Variants in FBXL2 observed in about 807,000 individuals in gnomAD.
FBXL2 encodes the protein F-box/LRR-repeat protein 2.
Under a neutral mutation model 69.2 loss-of-function variants are expected in FBXL2, and 38 were observed. The observed-to-expected ratio is 0.55, with a 90% CI of 0.42 to 0.72. The LOEUF is 0.72. FBXL2 is among the 30% of genes least tolerant of loss of function. FBXL2 has a pLI of 0.00. For synonymous variants in FBXL2, 192 were observed against 201.3 expected (o/e 0.95, Z 0.39); for missense variants, 354 against 520.3 (o/e 0.68, Z 3.11).
chr3:33,410,022 C>T, the FBXL2 span, among the ~76,000 whole-genome samples: 1 of 152,210 alleles, frequency 6.6e-6, no homozygotes, highest in Non-Finnish European at 1.5e-5. Context: ...ACTGCCATTA[C>T]CCCTATTCTA....
chr3:33,373,554 A>C, intron 7 of FBXL2, 24 bp from the exon 8 acceptor site: 1 of 1,614,032 alleles, frequency 6.2e-7, no homozygotes, highest in Non-Finnish European at 8.5e-7. Flanking sequence ...ACTGCACATA[A>C]GTTTTTGTTT....
chr3:33,421,968 T>A, the FBXL2 span, among the ~76,000 whole-genome samples: 3 of 151,890 alleles, frequency 2.0e-5, no homozygotes. Flanking sequence ...CCCTTGAGCC[T>A]GGGTGGCAGA....
chr3:33,307,165 A>G (rs2036794717), intron 2 of FBXL2, among the ~76,000 whole-genome samples: 1 of 152,160 alleles, frequency 6.6e-6, no homozygotes, highest in Non-Finnish European at 1.5e-5. Flanking sequence ...CACTTAAGCA[A>G]ATGATCAAAG....
At chr3:33,396,896 A>C (rs1192331638) in intron 12 of FBXL2, 1 of 759,476 alleles carries the variant, frequency 1.3e-6, no homozygotes, top group Non-Finnish European at 2.3e-6. Flanking sequence ...TGTACACAAA[A>C]CAGTCTTCTT....
intron 4 of FBXL2, 88 bp downstream of exon 4, chr3:33,359,445 G>C: frequency 1.2e-6 from 1 of 837,302 alleles, no homozygotes; most frequent in Non-Finnish European, 1.9e-6. Flanking sequence ...ACTGCATTTA[G>C]ATCTAATATT....
chr3:33,393,338 C>T (rs779486959), intron 12 of FBXL2: 1 of 1,607,108 alleles, frequency 6.2e-7, no homozygotes, highest in Non-Finnish European at 8.5e-7. Context: ...ATGTGAATAC[C>T]GGTGGGACCC....
chr3:33,326,161 T>C (rs116617994), intron 2 of FBXL2, among the ~76,000 whole-genome samples: 1 of 152,110 alleles, frequency 6.6e-6, no homozygotes, highest in Admixed American at 6.5e-5. Flanking sequence ...ATGTAAATAG[T>C]GTCTATACTT....
At chr3:33,342,342 G>A (rs1413760709) in intron 2 of FBXL2, among the ~76,000 whole-genome samples, 1 of 150,980 alleles carries the variant, frequency 6.6e-6, no homozygotes, top group East Asian at 1.9e-4. Context: ...TTGCTAATAG[G>A]AAGATTTAAA....
At chr3:33,390,617 C>G (rs2043722595), downstream of FBXL2, 2 of 546,664 alleles carry the variant, frequency 3.7e-6, no homozygotes, top group African/African-American at 1.9e-5. Context: ...ACACTGTCTG[C>G]CAGTTCTGGG....
chr3:33,354,312 G>A (rs1342337585), intron 2 of FBXL2, among the ~76,000 whole-genome samples: 2 of 151,970 alleles, frequency 1.3e-5, no homozygotes, highest in Non-Finnish European at 2.9e-5. Flanking sequence ...TCAGGAGTTC[G>A]AGACCAGCCT....
intron 2 of FBXL2, among the ~76,000 whole-genome samples, chr3:33,336,536 C>T (rs1008250503): frequency 6.6e-6 from 1 of 152,136 alleles, no homozygotes; most frequent in Non-Finnish European, 1.5e-5. Context: ...GCAAATATTT[C>T]GTCAACATGA....
rs146815149 is a variant in FBXL2, at chr3:33,297,278, G to A, written c.4-386G>A. ...ATGTGTTGTATCCTGCAGCCTTGCC[G>A]AACTCCTTGATTAGTTCTAATTGAT... On this transcript the variant is annotated intron_variant, in intron 1 of 14. Coordinates refer to ENST00000484457, the MANE Select transcript of FBXL2 (RefSeq NM_012157.5). 1.8e-3 allele frequency among the ~76,000 whole-genome samples: 269 copies of A among 152,170 alleles called. 8 individuals carry two copies. In the East Asian group the frequency reaches 0.047, roughly 27 times the overall value.
In FBXL2 at chr3:33,337,613, A is replaced by T. The variant is rs1004761379; in HGVS notation, c.66-21354A>T. On this transcript the variant is annotated intron_variant, in intron 2 of 14. Coordinates refer to ENST00000484457, the MANE Select transcript of FBXL2 (RefSeq NM_012157.5). ...AACTACTAAATGGGAAGTTCTAGCC[A>T]TAGCAATCAGGCAAAAGAAAGAAAG... Among the ~76,000 whole-genome samples, 7 of 152,358 alleles carry T rather than the reference A, an allele frequency of 4.6e-5. No individual in the cohort carries two copies. The East Asian group carries it at 1.2e-3, about 25-fold the overall frequency.
At chr3:33,287,124 G>A (rs1334249862) in intron 1 of FBXL2, among the ~76,000 whole-genome samples, 1 of 152,166 alleles carries the variant, frequency 6.6e-6, no homozygotes, top group Non-Finnish European at 1.5e-5. Flanking sequence ...GCTATAGACT[G>A]GAGCTGTTCC....
the FBXL2 span, among the ~76,000 whole-genome samples, chr3:33,419,106 G>A: frequency 1.3e-5 from 2 of 152,164 alleles, no homozygotes; most frequent in Admixed American, 6.5e-5. Flanking sequence ...ACAGAAAGAA[G>A]AGTTGAGGAT....
At chr3:33,419,283 T>TC in the FBXL2 span, among the ~76,000 whole-genome samples, 1 of 151,888 alleles carries the variant, frequency 6.6e-6, no homozygotes, top group Non-Finnish European at 1.5e-5. Context: ...TTACTTGAGG[T>TC]CAGGAGTTCA....
At chr3:33,394,257 A>G (rs981336496) in intron 12 of FBXL2, among the ~76,000 whole-genome samples, 13 of 150,982 alleles carry the variant, frequency 8.6e-5, no homozygotes, top group Admixed American at 8.6e-4. Context: ...ATGTTGCCCA[A>G]GCTGTCTCAA....
At chr3:33,413,534 G>A in the FBXL2 span, among the ~76,000 whole-genome samples, 55 of 130,166 alleles carry the variant, frequency 4.2e-4, no homozygotes, top group African/African-American at 1.2e-3. Flanking sequence ...GTGACAGAGC[G>A]AGACTCCATC....
intron 1 of FBXL2, among the ~76,000 whole-genome samples, chr3:33,278,703 C>T (rs908345035): frequency 1.3e-5 from 2 of 152,132 alleles, no homozygotes; most frequent in African/African-American, 2.4e-5. Flanking sequence ...AAAACATCAC[C>T]CATAAATCAC....
Sources: gnomAD v4.1 joint callset for allele counts (sites outside exome capture counted in the v4.1 genomes callset) on GRCh38, gnomAD v4.1.1 for gene constraint, MANE v1.5 for transcripts, NCBI Gene and HGNC (gene_info 2026-07-23, HGNC 2026-07-21) for gene names.